Variants in TYK2 observed in about 807,000 individuals in gnomAD.
TYK2 encodes tyrosine kinase 2.
A neutral mutation model predicts 130.9 loss-of-function variants in TYK2; 65 were observed. That is an observed-to-expected ratio of 0.50 (90% CI 0.41 to 0.61). The LOEUF is 0.61. Ranked by LOEUF, TYK2 falls within the 20% of genes least tolerant of loss-of-function variation. TYK2 has a pLI of 0.00. For missense variants in TYK2, 1,378 were observed against 1,610.7 expected (o/e 0.86, Z 2.47); for synonymous variants, 647 against 658.9 (o/e 0.98, Z 0.28).
At position 10,368,152 on chromosome 19, in the gene TYK2, T is replaced by C; in HGVS notation, c.368A>G (p.Tyr123Cys). Residue 123 changes from tyrosine to cysteine, a missense_variant, in exon 5 of 25, where the codon TAC (tyrosine) becomes TGC (cysteine). Tyr to Cys is a radical substitution (Grantham distance 194). Transcript: ENST00000525621. ...HGMNPREPAV[Y>C]RCGPPGTEAS... is the part of the protein sequence containing the mutation. ...CTCGGTTCCTGGGGGCCCACAACGG[T>C]ACACAGCCGGTTCCCGAGGATTCAT... 2.5e-6 allele frequency: 4 copies of C among 1,613,932 alleles called. No individual in the cohort carries two copies. Among genetic ancestry groups the C allele is most frequent in the Non-Finnish European group, 3.4e-6 (4 of 1,179,986 alleles).
chr19:10,368,665 G>A, intron 3 of TYK2: 1 of 503,684 alleles, frequency 2.0e-6, no homozygotes, highest in Non-Finnish European at 3.6e-6. Flanking sequence ...GCTGGTTTCT[G>A]GCCAAAGGGC....
Position 10,364,933 on chromosome 19 carries a change from T to A in TYK2, c.1127A>T (p.Tyr376Phe), listed in dbSNP as rs200944224. ...ADRPREPLWA[Y>F]FCDFRDITHV... is the part of the protein sequence containing the mutation. The stretch of plus-strand genomic sequence containing the variant: ...GGTGATGTCCCGGAAGTCACAGAAG[T>A]AGGCCCACAGTGGCTCCCGCGGCCT... The change falls in exon 8 of 25, where the codon TAC becomes TTC. Residue 376 changes from tyrosine (Y) to phenylalanine (F), a missense_variant. Transcript: ENST00000525621. The surrounding 1 kb of genome is among the most constrained non-coding windows in gnomAD (Gnocchi z 4.9). 1 of 1,614,214 alleles carries A rather than the reference T, an allele frequency of 6.2e-7. No homozygotes were observed.
At chr19:10,378,144 G>T (rs1039808010) in intron 3 of TYK2, 70 bp downstream of exon 3, 1 of 1,531,862 alleles carries the variant, frequency 6.5e-7, no homozygotes, top group Non-Finnish European at 9.0e-7. Context: ...GTGGATAGAC[G>T]GATGGATGGG....
rs1355927286 is a variant in TYK2, at chr19:10,362,267, C to T, written c.1666G>A (p.Gly556Arg). The change falls in exon 11 of 25, where the codon GGA becomes AGA. Residue 556 changes from glycine to arginine, a missense_variant. By Grantham distance (125) the Gly-to-Arg change is moderately radical. Transcript: ENST00000525621. ...AGAGGTCCCCCTATCATCGTACCTCCTGGTTGGGGCAGGCAACAGCGACGC... is the reference window on the plus strand; with the variant it reads ...AGAGGTCCCCCTATCATCGTACCTCTTGGTTGGGGCAGGCAACAGCGACGC... ...SLRRCCLPQP[G>R]ETSNLIIMRG... 6.2e-7 allele frequency: 1 copy of T among 1,613,688 alleles called. No homozygotes were observed. The highest frequency in any genetic ancestry group is 8.5e-7 in the Non-Finnish European group (1 of 1,179,636).
rs557293343 is a variant in TYK2 at position 10,364,492 on chromosome 19, C to T, written c.1367+122G>A. On this transcript the variant is annotated intron_variant, in intron 9 of 24. Coordinates refer to ENST00000525621, the MANE Select transcript of TYK2 (RefSeq NM_003331.5). This position sits in a 1 kb window ranked among gnomAD's most constrained non-coding sequence, Gnocchi z 4.9. ...TCATGCCACTGCACTCCAGTTTGGGCGACAAAAAATAAAAAAAAAATAAGA... is the reference window on the plus strand; with the variant it reads ...TCATGCCACTGCACTCCAGTTTGGGTGACAAAAAATAAAAAAAAAATAAGA... 44 of 1,212,096 alleles carry T rather than the reference C, an allele frequency of 3.6e-5. No individual in the cohort carries two copies. Among genetic ancestry groups the T allele is most frequent in the East Asian group, 2.4e-4 (10 of 41,970 alleles). The allele number at this position is 1,212,096 out of a possible 1,614,324, so 75.1% of individuals were successfully genotyped here.
In TYK2 at chr19:10,362,671, C is replaced by G; in HGVS notation, c.1368-14G>C. 6.4e-7 allele frequency: 1 copy of G among 1,550,664 alleles called. No individual in the cohort carries two copies. ...ACAAATGGCTCCCTGGAAGGTGGTC[C>G]AGGGGGACTATCAGGCCACCTGGGG... On this transcript the variant is annotated splice_polypyrimidine_tract_variant and intron_variant, in intron 9 of 24. Coordinates refer to ENST00000525621, the MANE Select transcript of TYK2 (RefSeq NM_003331.5).
Position 10,353,497 on chromosome 19 carries a change from A to G in TYK2, c.3027+31T>C, listed in dbSNP as rs1418420468. ...AGCCCAAGCTGAAGAGGAAGGGGCA[A>G]GCTCCAGAAGCAGGGGCGGGGCCGA... On this transcript the variant is annotated intron_variant, in intron 21 of 24. Transcript: ENST00000525621. This position sits in a 1 kb window ranked among gnomAD's most constrained non-coding sequence, Gnocchi z 6.9. 6.9e-7 allele frequency: 1 copy of G among 1,447,074 alleles called. No individual in the cohort carries two copies. Among genetic ancestry groups the G allele is most frequent in the East Asian group, 2.4e-5 (1 of 40,870 alleles). 89.6% of individuals were successfully genotyped at this position (1,447,074 alleles called of 1,614,324 possible). A position where few individuals can be genotyped will look rare whatever the true frequency, so the allele number is the denominator to read the frequency against.
intron 3 of TYK2, among the ~76,000 whole-genome samples, chr19:10,377,751 T>A: frequency 1.8e-5 from 1 of 57,000 alleles, no homozygotes; most frequent in Non-Finnish European, 3.4e-5. Flanking sequence ...GGTGGATAGG[T>A]GGGTGGATGG....
At chr19:10,358,297 T>G (rs1447675864) in intron 15 of TYK2, among the ~76,000 whole-genome samples, 159 bp from the exon 16 acceptor site, 3 of 144,314 alleles carry the variant, frequency 2.1e-5, no homozygotes, top group African/African-American at 5.1e-5. Flanking sequence ...TTTTCTTGTT[T>G]TTTTTTTTTT....
intron 2 of TYK2, among the ~76,000 whole-genome samples, chr19:10,378,849 TA>T (rs2042266905): frequency 8.3e-6 from 1 of 121,156 alleles, no homozygotes; most frequent in Admixed American, 7.8e-5. Flanking sequence ...TATCTTATCT[TA>T]TCTTATCTTA....
chr19:10,354,279 G>C, intron 19 of TYK2, 45 bp from the exon 20 acceptor site: 1 of 1,599,080 alleles, frequency 6.3e-7, no homozygotes. Context: ...CCCAATCCCT[G>C]CACCACTCCC....
intron 14 of TYK2, among the ~76,000 whole-genome samples, chr19:10,360,265 C>T (rs1255575591): frequency 6.6e-6 from 1 of 151,972 alleles, no homozygotes; most frequent in Non-Finnish European, 1.5e-5. Flanking sequence ...GAGGCTGAGG[C>T]AGGAAGATCC....
At chr19:10,354,895 T>TA (rs995127063) in intron 18 of TYK2, among the ~76,000 whole-genome samples, 24 of 143,880 alleles carry the variant, frequency 1.7e-4, no homozygotes, top group African/African-American at 2.3e-4. Flanking sequence ...ACAAAAAAGT[T>TA]AAAAAAAAAA....
intron 9 of TYK2, among the ~76,000 whole-genome samples, chr19:10,363,947 G>C (rs1676127321): frequency 6.6e-6 from 1 of 152,172 alleles, no homozygotes; most frequent in Non-Finnish European, 1.5e-5. Context: ...ACCAGACAAA[G>C]AGACAGTCAC....
chr19:10,371,992 T>A (rs2145307000), intron 3 of TYK2, among the ~76,000 whole-genome samples: 1 of 150,334 alleles, frequency 6.7e-6, no homozygotes, highest in East Asian at 2.0e-4. Flanking sequence ...TGTTTCTGAG[T>A]TTTTGTTTTT....
rs1314438919 is a variant in TYK2, at chr19:10,361,376, G to A, written c.2047+135C>T. 2.3e-6 allele frequency: 2 copies of A among 867,138 alleles called. No individual in the cohort carries two copies. Among genetic ancestry groups the A allele is most frequent in the African/African-American group, 3.3e-5 (2 of 60,264 alleles). The allele number at this position is 867,138 out of a possible 1,614,324, so 53.7% of individuals were successfully genotyped here. Reference sequence around the variant, plus strand: ...GGTTGAAGGTCAAGGTGTAGCCCGGGATCAGAGTACAGGTGAGAGTTGAGA... The same window carrying A: ...GGTTGAAGGTCAAGGTGTAGCCCGGAATCAGAGTACAGGTGAGAGTTGAGA... On this transcript the variant is annotated intron_variant, in intron 14 of 24. Coordinates refer to ENST00000525621, the MANE Select transcript of TYK2 (RefSeq NM_003331.5). The surrounding 1 kb of genome is among the most constrained non-coding windows in gnomAD (Gnocchi z 4.0).
chr19:10,372,061 G>A (rs1460620892), intron 3 of TYK2, among the ~76,000 whole-genome samples: 1 of 151,668 alleles, frequency 6.6e-6, no homozygotes, highest in African/African-American at 2.4e-5. Flanking sequence ...CTCAATCTCC[G>A]CTCACTGCAA....
chr19:10,352,900 C>T, intron 22 of TYK2, 26 bp downstream of exon 22: 2 of 1,590,926 alleles, frequency 1.3e-6, no homozygotes, highest in Non-Finnish European at 1.7e-6. Flanking sequence ...CCCAGCACCC[C>T]CTCAGACTGC....
intron 9 of TYK2, among the ~76,000 whole-genome samples, chr19:10,363,496 C>T (rs1445817166): frequency 6.6e-6 from 1 of 152,120 alleles, no homozygotes; most frequent in Non-Finnish European, 1.5e-5. Flanking sequence ...TACTCTTGTA[C>T]TTGACGCCAG....
Sources: gnomAD v4.1 joint callset for allele counts (sites outside exome capture counted in the v4.1 genomes callset) on GRCh38, gnomAD v4.1.1 for gene constraint, Gnocchi (gnomAD v3.1) non-coding constraint, MANE v1.5 for transcripts, NCBI Gene and HGNC (gene_info 2026-07-23, HGNC 2026-07-21) for gene names.